PAM: variants seen among roughly 807,000 people sequenced by gnomAD.
PAM encodes the protein peptidyl-glycine alpha-amidating monooxygenase.
A neutral mutation model predicts 122.1 loss-of-function variants in PAM; 72 were observed. The observed-to-expected ratio is 0.59, with a 90% CI of 0.49 to 0.72. The LOEUF (loss-of-function observed/expected upper bound fraction) is 0.72. PAM is among the 30% of genes least tolerant of loss of function. PAM has a pLI of 0.00. For missense variants in PAM, 1,106 were observed against 1,183.7 expected (o/e 0.93, Z 0.96); for synonymous variants, 389 against 404.4 (o/e 0.96, Z 0.46).
At chr5:102,861,519 C>CT (rs1489916408) in intron 1 of PAM, among the ~76,000 whole-genome samples, 4 of 130,006 alleles carry the variant, frequency 3.1e-5, no homozygotes, top group Non-Finnish European at 5.6e-5. Context: ...GAGAAACTGT[C>CT]TGGAGTGAAG....
intron 15 of PAM, among the ~76,000 whole-genome samples, chr5:102,979,598 A>G (rs1769035668): frequency 6.6e-6 from 1 of 152,112 alleles, no homozygotes; most frequent in Admixed American, 6.5e-5. Context: ...ATTAATTCAT[A>G]GTTCTGGGTT....
At chr5:103,006,733 T>TA in intron 18 of PAM, 68 bp from the exon 19 acceptor site, 2 of 1,064,444 alleles carry the variant, frequency 1.9e-6, no homozygotes, top group Non-Finnish European at 1.4e-6. Flanking sequence ...AAAGTGGTCT[T>TA]AGTCATGTGG....
chr5:102,887,030 C>A (rs573073336), intron 3 of PAM, among the ~76,000 whole-genome samples: 25 of 152,138 alleles, frequency 1.6e-4, no homozygotes, highest in African/African-American at 6.0e-4. Context: ...CAGTGCCTTG[C>A]AGAGTGCCAG....
intron 7 of PAM, among the ~76,000 whole-genome samples, chr5:102,943,908 T>C (rs1388378932): frequency 1.3e-5 from 2 of 152,148 alleles, no homozygotes; most frequent in Non-Finnish European, 2.9e-5. Context: ...TAGATTCTGA[T>C]TGAATGCTAT....
chr5:102,884,975 A>G lies in PAM; in HGVS notation c.211-16381A>G, dbSNP rs571826924. On this transcript the variant is annotated intron_variant, in intron 3 of 25. Transcript: ENST00000438793. ...TTAAATGAAAACATTTGCCATGGCAACATCGATTTACAAAGGGCAAATGAT... is the reference window on the plus strand; with the variant it reads ...TTAAATGAAAACATTTGCCATGGCAGCATCGATTTACAAAGGGCAAATGAT... Among the ~76,000 whole-genome samples the G allele has an allele frequency of 5.9e-5, 9 of 152,008 alleles. No individual in the cohort carries two copies. In the East Asian group the frequency reaches 1.2e-3, roughly 20 times the overall value.
In PAM at chr5:103,009,829, A is replaced by G. The variant is rs761221053; in HGVS notation, c.2294A>G (p.Asn765Ser). The change falls in exon 21 of 26, where the codon AAT becomes AGT. Residue 765 changes from asparagine (N) to serine (S), a missense_variant. Physicochemically the swap from Asn to Ser is conservative, Grantham distance 46. Coordinates refer to ENST00000438793, the MANE Select transcript of PAM (RefSeq NM_001177306.2). ...PVQGFVMNFSNGEIIDIFKPV... is the reference protein window; with the variant it reads ...PVQGFVMNFSSGEIIDIFKPV... ...CAAGGATTTGTGATGAACTTTTCCAATGGGGAAATTATAGACATCTTCAAG... is the reference window on the plus strand; with the variant it reads ...CAAGGATTTGTGATGAACTTTTCCAGTGGGGAAATTATAGACATCTTCAAG... The G allele has an allele frequency of 3.8e-5, 62 of 1,610,896 alleles. No individual in the cohort carries two copies. The East Asian group carries it at 7.8e-4, about 20-fold the overall frequency.
chr5:103,025,677 C>T (rs1784756736), intron 24 of PAM, among the ~76,000 whole-genome samples: 1 of 151,968 alleles, frequency 6.6e-6, no homozygotes, highest in Admixed American at 6.6e-5. Context: ...GAGGAGATAC[C>T]TGCTGTTAGG....
At chr5:102,807,016 A>G (rs1766411888) in intron 1 of PAM, among the ~76,000 whole-genome samples, 1 of 152,246 alleles carries the variant, frequency 6.6e-6, no homozygotes, top group African/African-American at 2.4e-5. Context: ...GTTTCTTTGA[A>G]CTAGCTGAGA....
chr5:102,824,442 G>T (rs1772997021), intron 1 of PAM, among the ~76,000 whole-genome samples: 1 of 152,112 alleles, frequency 6.6e-6, no homozygotes, highest in Non-Finnish European at 1.5e-5. Flanking sequence ...TAGTCACTGG[G>T]ATAGTCATTT....
intron 1 of PAM, among the ~76,000 whole-genome samples, chr5:102,860,394 A>G (rs1389965746): frequency 6.6e-6 from 1 of 152,212 alleles, no homozygotes; most frequent in Non-Finnish European, 1.5e-5. Context: ...GCAGAAAGCA[A>G]GGAAATGTTC....
At chr5:102,885,262 G>A (rs1262862022) in intron 3 of PAM, among the ~76,000 whole-genome samples, 5 of 151,890 alleles carry the variant, frequency 3.3e-5, no homozygotes, top group Non-Finnish European at 7.4e-5. Flanking sequence ...ATTTCATGTG[G>A]TAAGCTGTGC....
intron 1 of PAM, among the ~76,000 whole-genome samples, chr5:102,785,545 A>T (rs114848641): frequency 6.6e-6 from 1 of 152,196 alleles, no homozygotes; most frequent in South Asian, 2.1e-4. Context: ...GAAGGAAGGA[A>T]GGTGGTGGGA....
intron 3 of PAM, among the ~76,000 whole-genome samples, chr5:102,877,250 C>T: frequency 6.6e-6 from 1 of 152,154 alleles, no homozygotes; most frequent in East Asian, 1.9e-4. Context: ...AACATTTCTG[C>T]CCTGAACTGC....
chr5:102,784,956 C>T (rs1324175356), intron 1 of PAM, among the ~76,000 whole-genome samples: 2 of 152,114 alleles, frequency 1.3e-5, no homozygotes, highest in Non-Finnish European at 1.5e-5. Flanking sequence ...TCAGAATCAC[C>T]TGGAGGATTA....
At chr5:102,906,483 G>A (rs1799590397) in intron 4 of PAM, among the ~76,000 whole-genome samples, 1 of 151,602 alleles carries the variant, frequency 6.6e-6, no homozygotes, top group Non-Finnish European at 1.5e-5. Context: ...AACACACTGG[G>A]CACAAGTATG....
At chr5:102,846,191 G>C (rs1411272346) in intron 1 of PAM, among the ~76,000 whole-genome samples, 2 of 152,058 alleles carry the variant, frequency 1.3e-5, no homozygotes, top group Non-Finnish European at 2.9e-5. Flanking sequence ...CATTCTCACT[G>C]GTCACCTGCC....
chr5:102,873,413 C>T (rs1026459686), intron 3 of PAM: 2 of 152,120 alleles, frequency 1.3e-5, no homozygotes, highest in African/African-American at 4.8e-5. Context: ...AAGCTCTTCG[C>T]GAAGCAGCTG....
Position 102,867,263 on chromosome 5 carries a change from C to CT in PAM, c.90-4dup. ...TGTTCAAGAATATTGAAATTGCCCT[C>CT]TTTTTTAAGGTTTAAAGAAACTACC... is the stretch of plus-strand genomic sequence containing the variant. On this transcript the variant is annotated splice_polypyrimidine_tract_variant and intron_variant, in intron 2 of 25. Coordinates refer to ENST00000438793, the MANE Select transcript of PAM (RefSeq NM_001177306.2). The CT allele has an allele frequency of 1.3e-6, 2 of 1,587,834 alleles. No homozygotes were observed.
At chr5:102,808,805 T>C (rs539854124) in intron 1 of PAM, among the ~76,000 whole-genome samples, 2 of 152,194 alleles carry the variant, frequency 1.3e-5, no homozygotes, top group Non-Finnish European at 2.9e-5. Flanking sequence ...TCCATAGTTA[T>C]GCCACACTTT....
Sources: gnomAD v4.1 joint callset for allele counts (sites outside exome capture counted in the v4.1 genomes callset) on GRCh38, gnomAD v4.1.1 for gene constraint, MANE v1.5 for transcripts, NCBI Gene and HGNC (gene_info 2026-07-23, HGNC 2026-07-21) for gene names.